SMOC1: variants seen among roughly 807,000 people sequenced by gnomAD.
SMOC1 encodes the protein SPARC related modular calcium binding 1.
SMOC1 carries 22 observed loss-of-function variants against 56.3 expected under a neutral mutation model. The observed-to-expected ratio is 0.39, with a 90% CI of 0.28 to 0.56. SMOC1 has a LOEUF of 0.56. SMOC1 is among the 20% of genes least tolerant of loss of function. SMOC1 has a pLI of 0.61. For missense variants in SMOC1, 509 were observed against 565.4 expected (o/e 0.90, Z 1.01); for synonymous variants, 193 against 215.0 (o/e 0.90, Z 0.89).
chr14:69,930,078 A>G (rs1384901001), intron 1 of SMOC1, among the ~76,000 whole-genome samples: 1 of 148,972 alleles, frequency 6.7e-6, no homozygotes, highest in Non-Finnish European at 1.5e-5. Flanking sequence ...GGGCTGTGGA[A>G]TCCACATGTG....
chr14:69,971,227 A>G (rs749654878), intron 3 of SMOC1, among the ~76,000 whole-genome samples: 2 of 152,182 alleles, frequency 1.3e-5, no homozygotes, highest in East Asian at 1.9e-4. Flanking sequence ...CATGTTGGCC[A>G]GGCTGGTCTC....
At chr14:69,937,008 C>T (rs1224809804) in intron 1 of SMOC1, among the ~76,000 whole-genome samples, 1 of 152,022 alleles carries the variant, frequency 6.6e-6, no homozygotes, top group Non-Finnish European at 1.5e-5. Flanking sequence ...GTGAGCATTT[C>T]CCCGGTCAAT....
At chr14:69,885,384 G>A (rs114578903) in intron 1 of SMOC1, 29,095 of 1,597,688 alleles carry the variant, frequency 0.018, 648 homozygotes, top group African/African-American at 0.11. Context: ...GCCTTTTTGC[G>A]CTTGGCGATA....
intron 5 of SMOC1, among the ~76,000 whole-genome samples, chr14:69,983,825 G>A (rs1193463002): frequency 6.6e-6 from 1 of 152,196 alleles, no homozygotes. Context: ...GCACATAGGT[G>A]GACAGGCCTT....
rs375934627 is a variant in SMOC1 at position 70,004,781 on chromosome 14, A to G, written c.665-5973A>G. Among the ~76,000 whole-genome samples, 21 of 152,302 alleles carry G rather than the reference A, an allele frequency of 1.4e-4. No homozygotes were observed. The South Asian group carries it at 4.1e-3, about 30-fold the overall frequency. ...GTGCTAGCCCTTCCAAAACAAATAG[A>G]TATAAAGATACATACACACATACAT... is the stretch of plus-strand genomic sequence containing the variant. On this transcript the variant is annotated intron_variant, in intron 7 of 11. Coordinates refer to ENST00000361956, the MANE Select transcript of SMOC1 (RefSeq NM_001034852.3).
At chr14:69,952,421 T>C in intron 2 of SMOC1, 118 bp downstream of exon 2, 1 of 1,201,090 alleles carries the variant, frequency 8.3e-7, no homozygotes, top group Non-Finnish European at 1.2e-6. Context: ...TGCTTTCCTA[T>C]CTCTCCACCC....
chr14:69,983,714 G>A (rs1884263029), intron 5 of SMOC1, among the ~76,000 whole-genome samples: 1 of 152,264 alleles, frequency 6.6e-6, no homozygotes, highest in Non-Finnish European at 1.5e-5. Context: ...AGGTGAGAGG[G>A]CTCAGAGCTT....
intron 3 of SMOC1, among the ~76,000 whole-genome samples, chr14:69,956,554 T>C (rs1883194725): frequency 6.6e-6 from 1 of 152,014 alleles, no homozygotes; most frequent in Non-Finnish European, 1.5e-5. Flanking sequence ...TTAACATATT[T>C]TAGCCCTGGG....
At chr14:70,022,235 C>T (rs1203392158) in intron 10 of SMOC1, among the ~76,000 whole-genome samples, 1 of 152,230 alleles carries the variant, frequency 6.6e-6, no homozygotes, top group Non-Finnish European at 1.5e-5. Flanking sequence ...TAGTAGTTAT[C>T]ACCCTGACTC....
chr14:69,884,136 G>A (rs1309032158), intron 1 of SMOC1, among the ~76,000 whole-genome samples: 1 of 151,654 alleles, frequency 6.6e-6, no homozygotes, highest in East Asian at 1.9e-4. Context: ...TCGATCTCCC[G>A]ACCTCATGAT....
chr14:69,913,429 C>G (rs781308688), intron 1 of SMOC1, among the ~76,000 whole-genome samples: 1 of 151,918 alleles, frequency 6.6e-6, no homozygotes, highest in African/African-American at 2.4e-5. Context: ...TAGTTAAATT[C>G]GAATTTCAGA....
rs1471199025 is a variant in SMOC1 at position 69,975,807 on chromosome 14, A to G, written c.471A>G (p.Val157=). 6.2e-7 allele frequency: 1 copy of G among 1,610,234 alleles called. No individual in the cohort carries two copies. The highest frequency in any genetic ancestry group is 8.5e-7 in the Non-Finnish European group (1 of 1,178,030). The change falls in exon 4 of 12, where the codon GTA becomes GTG. Residue 157 remains valine (V), a synonymous_variant. Transcript: ENST00000361956. ...CTTCTGTGCAGAATAAAACTCCTGT[A>G]TGTTCAGGTACCGTAGGGAGGGGCG... ...SGSSVQNKTP[V]CSGSVTDKPL... is the part of the protein sequence containing the mutation.
chr14:69,909,952 T>C (rs1023293114), intron 1 of SMOC1, among the ~76,000 whole-genome samples: 7 of 152,196 alleles, frequency 4.6e-5, no homozygotes, highest in African/African-American at 1.7e-4. Flanking sequence ...AATTTCTTTT[T>C]CTTTGCTCAC....
intron 1 of SMOC1, among the ~76,000 whole-genome samples, chr14:69,950,132 A>G (rs1882939066): frequency 6.6e-6 from 1 of 152,218 alleles, no homozygotes; most frequent in African/African-American, 2.4e-5. Flanking sequence ...GTGGGAGCCC[A>G]AGGTGTCTGA....
intron 1 of SMOC1, among the ~76,000 whole-genome samples, chr14:69,937,851 G>T (rs561834697): frequency 6.6e-6 from 1 of 152,196 alleles, no homozygotes; most frequent in Non-Finnish European, 1.5e-5. Flanking sequence ...GATCTCAAAT[G>T]ACAGTGGAAA....
At chr14:69,965,957 T>A (rs1008064367) in intron 3 of SMOC1, among the ~76,000 whole-genome samples, 3 of 152,142 alleles carry the variant, frequency 2.0e-5, no homozygotes, top group Admixed American at 2.0e-4. Context: ...ATCAGAATTT[T>A]TTTTCATGTC....
chr14:70,009,978 G>A (rs1401416767), intron 7 of SMOC1, among the ~76,000 whole-genome samples: 1 of 152,214 alleles, frequency 6.6e-6, no homozygotes, highest in Non-Finnish European at 1.5e-5. Context: ...GATGTGAGAT[G>A]CCCTGGAGCT....
intron 1 of SMOC1, among the ~76,000 whole-genome samples, chr14:69,890,565 C>G (rs1883933168): frequency 1.3e-5 from 2 of 152,056 alleles, no homozygotes; most frequent in Admixed American, 1.3e-4. Flanking sequence ...GAAAAATGCC[C>G]CCTAAACCTG....
At chr14:69,997,830 G>A (rs1025312171) in intron 7 of SMOC1, among the ~76,000 whole-genome samples, 1 of 152,158 alleles carries the variant, frequency 6.6e-6, no homozygotes, top group Non-Finnish European at 1.5e-5. Context: ...AGAGTTTGAT[G>A]GATGATCCTG....
Sources: allele counts gnomAD v4.1 joint callset (sites outside exome capture counted in the v4.1 genomes callset), GRCh38; gene constraint gnomAD v4.1.1; transcripts MANE v1.5; gene names NCBI Gene and HGNC (gene_info 2026-07-23, HGNC 2026-07-21).